The following SMAD9 variants were observed in gnomAD, a reference collection of about 807,000 sequenced individuals.
SMAD9 encodes the protein SMAD family member 9.
In SMAD9, 36 loss-of-function variants were observed where a neutral mutation model predicts 46.1. That is an observed-to-expected ratio of 0.78 (90% CI 0.60 to 1.03). The LOEUF (loss-of-function observed/expected upper bound fraction) is 1.03, where lower values mean the gene tolerates loss of function less well. Among genes scored for constraint, SMAD9 ranks in the 50% least tolerant of loss-of-function variants. The pLI is 0.00. For missense variants in SMAD9, 572 were observed against 599.8 expected (o/e 0.95, Z 0.48); for synonymous variants, 245 against 237.1 (o/e 1.03, Z -0.31).
chr13:36,853,380 C>T (rs2058090986), intron 6 of SMAD9, 39 bp downstream of exon 6: 5 of 1,610,238 alleles, frequency 3.1e-6, no homozygotes, highest in Non-Finnish European at 4.2e-6. Flanking sequence ...TTTTGTTTTT[C>T]ACTGAACATT....
intron 1 of SMAD9, among the ~76,000 whole-genome samples, chr13:36,884,221 GTTTCA>G (rs1289646981): frequency 6.6e-6 from 1 of 152,120 alleles, no homozygotes; most frequent in Non-Finnish European, 1.5e-5. Context: ...CCAGCTACTT[GTTTCA>G]TTTTAGTATT....
chr13:36,897,057 CA>C (rs1469243358), intron 1 of SMAD9, among the ~76,000 whole-genome samples: 1 of 151,904 alleles, frequency 6.6e-6, no homozygotes, highest in African/African-American at 2.4e-5. Flanking sequence ...ACTGCTAAAA[CA>C]AAAACAAAAA....
rs1405663572 is a variant in SMAD9, at chr13:36,868,835, T to C, written c.671-1452A>G. ...ACCCAAAGGAATTGAAAGCAGGGTG[T>C]TATTTACTAGAGCCAAAAGGTGGGA... On this transcript the variant is annotated intron_variant, in intron 3 of 6. Transcript: ENST00000379826. 2.0e-5 allele frequency among the ~76,000 whole-genome samples: 3 copies of C among 152,172 alleles called. No individual in the cohort carries two copies. The East Asian group carries it at 5.8e-4, about 29-fold the overall frequency.
At position 36,860,081 on chromosome 13, in the gene SMAD9, G is replaced by A. The variant is rs147317347; in HGVS notation, c.1003+5456C>T. Among the ~76,000 whole-genome samples the A allele has an allele frequency of 4.3e-3, 662 of 152,198 alleles. 4 individuals are homozygous for A. Among genetic ancestry groups the A allele is most frequent in the African/African-American group, 0.015 (636 of 41,532 alleles). ...ATTCCTTTCCTTTCTTAATAAACTT[G>A]CCCTCACTTTACTCTATGGATTTGC... On this transcript the variant is annotated intron_variant, in intron 5 of 6. Transcript: ENST00000379826.
intron 3 of SMAD9, among the ~76,000 whole-genome samples, chr13:36,872,229 A>G (rs556184086): frequency 6.0e-4 from 92 of 152,068 alleles, no homozygotes; most frequent in African/African-American, 2.1e-3. Context: ...GGATGCAGGC[A>G]TATGTTTTAG....
intron 5 of SMAD9, among the ~76,000 whole-genome samples, chr13:36,860,032 T>C (rs1157197158): frequency 6.6e-6 from 1 of 152,192 alleles, no homozygotes; most frequent in Admixed American, 6.5e-5. Flanking sequence ...GGTGGCTGCT[T>C]TGTCCATGGA....
intron 1 of SMAD9, among the ~76,000 whole-genome samples, chr13:36,886,946 G>A (rs2058450373): frequency 6.6e-6 from 1 of 151,904 alleles, no homozygotes; most frequent in African/African-American, 2.4e-5. Context: ...GGCTGGAAGT[G>A]AGGCAAGAGA....
chr13:36,889,290 A>G (rs2058471791), intron 1 of SMAD9, among the ~76,000 whole-genome samples: 1 of 152,114 alleles, frequency 6.6e-6, no homozygotes, highest in Admixed American at 6.6e-5. Flanking sequence ...TTCATCAGAA[A>G]GTTGTGTGCT....
chr13:36,868,615 G>A (rs940649309), intron 3 of SMAD9, among the ~76,000 whole-genome samples: 4 of 152,078 alleles, frequency 2.6e-5, no homozygotes, highest in African/African-American at 9.7e-5. Context: ...GTGTACACCT[G>A]TAATCCTAGC....
At chr13:36,901,173 T>A (rs1322410016) in intron 1 of SMAD9, among the ~76,000 whole-genome samples, 1 of 152,218 alleles carries the variant, frequency 6.6e-6, no homozygotes, top group Non-Finnish European at 1.5e-5. Context: ...TGTTTTCAGT[T>A]CTTTCGAGCA....
chr13:36,854,358 C>G (rs1406598195), intron 5 of SMAD9, among the ~76,000 whole-genome samples: 1 of 151,730 alleles, frequency 6.6e-6, no homozygotes, highest in East Asian at 1.9e-4. Flanking sequence ...CTTCATTGTA[C>G]ATACACAAAT....
At chr13:36,902,161 G>T (rs1269506766) in intron 1 of SMAD9, among the ~76,000 whole-genome samples, 1 of 152,094 alleles carries the variant, frequency 6.6e-6, no homozygotes, top group Non-Finnish European at 1.5e-5. Context: ...TTTATATCTA[G>T]TGTGAGGTAG....
rs1026982007 is a variant in SMAD9 at position 36,846,727 on chromosome 13, G to C, written c.*1949C>G. 1 of 152,142 alleles carries C rather than the reference G, an allele frequency of 6.6e-6. No homozygotes were observed. The highest frequency in any genetic ancestry group is 2.4e-5 in the African/African-American group (1 of 41,436). 9.4% of individuals were successfully genotyped at this position (152,142 alleles called of 1,614,324 possible). On this transcript the variant is annotated 3_prime_UTR_variant, in exon 7 of 7. Coordinates refer to ENST00000379826, the MANE Select transcript of SMAD9 (RefSeq NM_001127217.3). Reference sequence around the variant, plus strand: ...TGGAAGAAAAGTAGCATTTATACAAGGAATCCATTACCTGACTTTGCAGAA... The same window carrying C: ...TGGAAGAAAAGTAGCATTTATACAACGAATCCATTACCTGACTTTGCAGAA...
intron 1 of SMAD9, among the ~76,000 whole-genome samples, chr13:36,910,075 T>C (rs1183552135): frequency 6.6e-6 from 1 of 151,868 alleles, no homozygotes; most frequent in Admixed American, 6.6e-5. Flanking sequence ...CGGGCGCCTG[T>C]AGTCCCAGCT....
At chr13:36,853,710 C>A (rs773429447) in intron 5 of SMAD9, 35 bp from the exon 6 acceptor site, 27 of 1,611,506 alleles carry the variant, frequency 1.7e-5, no homozygotes, top group Non-Finnish European at 2.3e-5. Flanking sequence ...CCTTCACATG[C>A]CCTTTCATAG....
At chr13:36,888,823 T>C (rs906320694) in intron 1 of SMAD9, among the ~76,000 whole-genome samples, 2 of 152,214 alleles carry the variant, frequency 1.3e-5, no homozygotes, top group African/African-American at 4.8e-5. Flanking sequence ...TGTGATTAAC[T>C]TGATCGTCCT....
intron 1 of SMAD9, among the ~76,000 whole-genome samples, chr13:36,902,593 A>G (rs2058585564): frequency 6.6e-6 from 1 of 151,952 alleles, no homozygotes. Context: ...AGCTGAGACT[A>G]TAGGTGCCCG....
chr13:36,856,331 G>A (rs977813390), intron 5 of SMAD9, among the ~76,000 whole-genome samples: 5 of 152,274 alleles, frequency 3.3e-5, no homozygotes, highest in South Asian at 4.1e-4. Flanking sequence ...AGATAAATAC[G>A]ATTTTTTTGT....
chr13:36,891,617 G>A lies in SMAD9; in HGVS notation c.-186-11742C>T, dbSNP rs78401835. 1.5e-4 allele frequency among the ~76,000 whole-genome samples: 23 copies of A among 152,182 alleles called. 1 individual carries two copies. In the East Asian group the frequency reaches 4.1e-3, roughly 27 times the overall value. ...GTAATGTATTTTCTTCATTACACCC[G>A]GCCTGGTAAGCCCCAGAATCTGTAA... On this transcript the variant is annotated intron_variant, in intron 1 of 6. Coordinates refer to ENST00000379826, the MANE Select transcript of SMAD9 (RefSeq NM_001127217.3).
Sources: allele counts gnomAD v4.1 joint callset (sites outside exome capture counted in the v4.1 genomes callset), GRCh38; gene constraint gnomAD v4.1.1; transcripts MANE v1.5; gene names NCBI Gene and HGNC (gene_info 2026-07-23, HGNC 2026-07-21).